The following WDFY3 variants were observed in gnomAD, a reference collection of about 807,000 sequenced individuals.
WDFY3 encodes the protein WD repeat and FYVE domain-containing protein 3.
Under a neutral mutation model 409.6 loss-of-function variants are expected in WDFY3, and 66 were observed. The observed-to-expected ratio is 0.16, with a 90% CI of 0.13 to 0.20. The LOEUF (loss-of-function observed/expected upper bound fraction) is 0.20. WDFY3 is among the 10% of genes least tolerant of loss of function. WDFY3 has a pLI of 1.00. For synonymous variants in WDFY3, 1,521 were observed against 1,537.1 expected, an observed-to-expected ratio of 0.99 and a Z score of 0.25; for missense variants, 3,031 against 4,298.1, an observed-to-expected ratio of 0.71 and a Z score of 8.24.
rs1256865864 is a variant in WDFY3 at position 84,802,902 on chromosome 4, A to G, written c.2607+388T>C. On this transcript the variant is annotated intron_variant, in intron 16 of 67. Transcript: ENST00000295888. ...ACATTTTAATAAAAATCATCACCCA[A>G]ACTCCAATTCGCTCAAACTCTTGAG... Among the ~76,000 whole-genome samples the G allele has an allele frequency of 3.9e-5, 6 of 152,156 alleles. No homozygotes were observed. In the East Asian group the frequency reaches 1.2e-3, roughly 29 times the overall value.
intron 33 of WDFY3, 81 bp from the exon 34 acceptor site, chr4:84,755,481 T>C: frequency 3.3e-6 from 5 of 1,495,810 alleles, no homozygotes; most frequent in Non-Finnish European, 4.5e-6. Context: ...AGGCTAAAAT[T>C]TCTTTGAAAC....
intron 50 of WDFY3, among the ~76,000 whole-genome samples, chr4:84,713,688 G>T (rs1335448472): frequency 6.6e-6 from 1 of 152,186 alleles, no homozygotes; most frequent in Non-Finnish European, 1.5e-5. Flanking sequence ...TGGAGGGATT[G>T]CCAGGATCTG....
chr4:84,770,452 G>A lies in WDFY3; in HGVS notation c.4849+2383C>T, dbSNP rs373335530. On this transcript the variant is annotated intron_variant, in intron 30 of 67. Coordinates refer to ENST00000295888, the MANE Select transcript of WDFY3 (RefSeq NM_014991.6). ...TTTATGTGACTCACTTTATTGTGAT[G>A]TTAGCTTCATTTGCAGTGGTGTGGA... 8.5e-5 allele frequency among the ~76,000 whole-genome samples: 13 copies of A among 152,294 alleles called. No homozygotes were observed. In the East Asian group the frequency reaches 2.5e-3, roughly 29 times the overall value.
At position 84,751,688 on chromosome 4, in the gene WDFY3, G is replaced by A. The variant is rs1419962871; in HGVS notation, c.5768C>T (p.Ser1923Phe). The change falls in exon 36 of 68, where the codon TCT becomes TTT. Residue 1923 changes from serine to phenylalanine, a missense_variant. Around this residue, in one of 16 missense-constraint regions of WDFY3, gnomAD observed 314 missense variants for 397.4 expected, o/e 0.79. Transcript: ENST00000295888. ...MVTDLDDEVG[S>F]PAEEFKAFAA... The stretch of plus-strand genomic sequence containing the variant: ...AAACGCTTTAAACTCTTCTGCTGGA[G>A]ATCCAACTTCATCATCAAGGTCAGT... 3 of 1,614,156 alleles carry A rather than the reference G, an allele frequency of 1.9e-6. No homozygotes were observed. In the Admixed American group the frequency reaches 5.0e-5, roughly 27 times the overall value.
At chr4:84,895,009 T>A (rs1204294971) in intron 3 of WDFY3, among the ~76,000 whole-genome samples, 3 of 151,894 alleles carry the variant, frequency 2.0e-5, no homozygotes, top group Non-Finnish European at 2.9e-5. Context: ...CATAATTGAT[T>A]AATAAGTTAC....
chr4:84,822,691 G>A (rs1754253786), intron 10 of WDFY3, among the ~76,000 whole-genome samples: 1 of 152,176 alleles, frequency 6.6e-6, no homozygotes, highest in Admixed American at 6.5e-5. Flanking sequence ...CAGCCTGGGC[G>A]ACAGAAAGCA....
intron 1 of WDFY3, among the ~76,000 whole-genome samples, chr4:84,950,046 C>T (rs950390510): frequency 6.6e-6 from 1 of 152,162 alleles, no homozygotes; most frequent in Non-Finnish European, 1.5e-5. Flanking sequence ...GGCACATATA[C>T]ACCATGGAAT....
At chr4:84,901,313 T>A (rs1157870864) in intron 2 of WDFY3, among the ~76,000 whole-genome samples, 1 of 152,172 alleles carries the variant, frequency 6.6e-6, no homozygotes, top group African/African-American at 2.4e-5. Context: ...TCATGAGGAA[T>A]CTGCTCTCAC....
At chr4:84,709,491 T>C (rs1732530391) in intron 51 of WDFY3, 144 bp from the exon 52 acceptor site, 1 of 637,982 alleles carries the variant, frequency 1.6e-6, no homozygotes, top group African/African-American at 1.9e-5. Flanking sequence ...ATCAGTTTAG[T>C]GGGTTGTGAT....
chr4:84,936,062 T>G (rs894655656), intron 1 of WDFY3, among the ~76,000 whole-genome samples: 2 of 152,182 alleles, frequency 1.3e-5, no homozygotes, highest in Non-Finnish European at 2.9e-5. Context: ...TATGCACATA[T>G]GTATAAAAAC....
chr4:84,868,126 C>T lies in WDFY3; in HGVS notation c.-31-7504G>A, dbSNP rs1019130646. Among the ~76,000 whole-genome samples, 4 of 114,146 alleles carry T rather than the reference C, an allele frequency of 3.5e-5. No homozygotes were observed. In the East Asian group the frequency reaches 1.2e-3, roughly 35 times the overall value. 74.9% of individuals were successfully genotyped at this position (114,146 alleles called of 152,430 possible). Reference sequence around the variant, plus strand: ...GGTGGAGCTTTAAGTGAGCCGAGATCATGCCACTGCACTCCAGCCTGGGTG... The same window carrying T: ...GGTGGAGCTTTAAGTGAGCCGAGATTATGCCACTGCACTCCAGCCTGGGTG... On this transcript the variant is annotated intron_variant, in intron 3 of 67. Transcript: ENST00000295888.
chr4:84,775,404 C>T (rs567659751), intron 27 of WDFY3, among the ~76,000 whole-genome samples: 170 of 151,760 alleles, frequency 1.1e-3, no homozygotes, highest in African/African-American at 4.0e-3. Context: ...ATGCACATGA[C>T]GAGGAGCCAA....
intron 2 of WDFY3, among the ~76,000 whole-genome samples, chr4:84,914,700 A>G (rs1250801160): frequency 6.6e-6 from 1 of 152,186 alleles, no homozygotes; most frequent in Non-Finnish European, 1.5e-5. Flanking sequence ...AAGTGCTAGT[A>G]AGTATGTAGA....
intron 35 of WDFY3, among the ~76,000 whole-genome samples, chr4:84,752,518 G>A (rs1167870559): frequency 1.1e-4 from 15 of 140,474 alleles, no homozygotes; most frequent in African/African-American, 1.8e-4. Flanking sequence ...TGACAAGAGC[G>A]AAACCCCGTC....
At chr4:84,784,864 A>ATATATG (rs1747205982) in intron 24 of WDFY3, among the ~76,000 whole-genome samples, 1 of 57,282 alleles carries the variant, frequency 1.7e-5, no homozygotes, top group Non-Finnish European at 3.1e-5. Flanking sequence ...ATATGTATAT[A>ATATATG]TATATATATA....
At chr4:84,809,316 G>GGTGGTCGCCGTATCATAAAAA in intron 14 of WDFY3, 1 of 150,048 alleles carries the variant, frequency 6.7e-6, no homozygotes, top group Non-Finnish European at 1.5e-5. Context: ...GTGTAGAGCT[G>GGTGGTCGCCGTATCATAAAAA]AATCCTCAAT....
At chr4:84,811,887 T>C (rs1752551792) in intron 13 of WDFY3, among the ~76,000 whole-genome samples, 1 of 152,160 alleles carries the variant, frequency 6.6e-6, no homozygotes, top group Non-Finnish European at 1.5e-5. Flanking sequence ...TTCATGTATG[T>C]TTCATATATA....
chr4:84,805,064 A>C (rs1017819609), intron 15 of WDFY3, among the ~76,000 whole-genome samples: 1 of 152,206 alleles, frequency 6.6e-6, no homozygotes, highest in African/African-American at 2.4e-5. Flanking sequence ...ATGATGGATC[A>C]GAGTCAAAAC....
chr4:84,715,160 GC>G (rs1733645487), intron 50 of WDFY3, 137 bp downstream of exon 50: 1 of 526,224 alleles, frequency 1.9e-6, no homozygotes, highest in Non-Finnish European at 3.4e-6. Flanking sequence ...CAAGAGGGTG[GC>G]AAAAATAATA....
Sources: gnomAD v4.1 joint callset for allele counts (sites outside exome capture counted in the v4.1 genomes callset) on GRCh38, gnomAD v4.1.1 for gene constraint, gnomAD v4.1.1 regional missense constraint, MANE v1.5 for transcripts, NCBI Gene and HGNC (gene_info 2026-07-23, HGNC 2026-07-21) for gene names.